The following EHMT1 variants were observed in gnomAD, a reference collection of about 807,000 sequenced individuals.
The protein encoded by EHMT1 is histone-lysine N-methyltransferase EHMT1.
EHMT1 carries 15 observed loss-of-function variants against 147.2 expected under a neutral mutation model. The ratio of observed to expected loss-of-function variants is 0.10; its 90% CI spans 0.07 to 0.16. EHMT1 has a LOEUF of 0.16. EHMT1 is among the 10% of genes least tolerant of loss of function. The probability of loss-of-function intolerance (pLI) is 1.00; values close to 1 mark genes in which losing one functional copy is unlikely to be tolerated. For synonymous variants in EHMT1, 795 were observed against 709.6 expected (o/e 1.12, Z -1.91); for missense variants, 1,587 against 1,772.4 (o/e 0.90, Z 1.88).
In EHMT1 at chr9:137,729,743, A is replaced by C. The variant is rs112736461; in HGVS notation, c.823+1214A>C. Among the ~76,000 whole-genome samples, 1,391 of 152,110 alleles carry C rather than the reference A, an allele frequency of 9.1e-3. 14 individuals are homozygous for C. The highest frequency in any genetic ancestry group is 0.012 in the Non-Finnish European group (820 of 67,996). Reference sequence around the variant, plus strand: ...GTATTACTTTTTTTTCTGAGACATGAATGTAAGTTGTAAACATTGTGCCCT... The same window carrying C: ...GTATTACTTTTTTTTCTGAGACATGCATGTAAGTTGTAAACATTGTGCCCT... On this transcript the variant is annotated intron_variant, in intron 4 of 26. Coordinates refer to ENST00000460843, the MANE Select transcript of EHMT1 (RefSeq NM_024757.5).
intron 1 of EHMT1, among the ~76,000 whole-genome samples, chr9:137,709,756 G>C (rs1944538631): frequency 6.6e-6 from 1 of 152,124 alleles, no homozygotes; most frequent in South Asian, 2.1e-4. Context: ...TAGTGACCTC[G>C]GGCAAGTCTG....
chr9:137,827,748 C>T (rs1288096189), intron 25 of EHMT1, among the ~76,000 whole-genome samples: 3 of 130,196 alleles, frequency 2.3e-5, no homozygotes, highest in African/African-American at 5.6e-5. Context: ...TGGGATCCTG[C>T]CCACCCGCCC....
chr9:137,721,012 G>A (rs1945899714), intron 3 of EHMT1, among the ~76,000 whole-genome samples: 1 of 151,744 alleles, frequency 6.6e-6, no homozygotes, highest in African/African-American at 2.4e-5. Context: ...CCTCCTCGCC[G>A]GCGTCCTCGC....
intron 3 of EHMT1, among the ~76,000 whole-genome samples, chr9:137,725,482 T>G (rs1404021489): frequency 6.6e-6 from 1 of 152,144 alleles, no homozygotes; most frequent in Non-Finnish European, 1.5e-5. Flanking sequence ...GAGGAATCAC[T>G]GAATGTGGCA....
intron 10 of EHMT1, among the ~76,000 whole-genome samples, chr9:137,766,719 C>T (rs79566123): frequency 0.037 from 5,664 of 152,264 alleles, 155 homozygotes; most frequent in African/African-American, 0.072. Context: ...TTGCACCGTA[C>T]GTCATTTTCT....
intron 1 of EHMT1, among the ~76,000 whole-genome samples, chr9:137,659,144 T>A (rs1462890478): frequency 6.6e-6 from 1 of 152,160 alleles, no homozygotes. Flanking sequence ...TACTAGATCT[T>A]ATTCCAGGGT....
intron 16 of EHMT1, among the ~76,000 whole-genome samples, chr9:137,797,467 C>G (rs1223943888): frequency 6.6e-6 from 1 of 152,154 alleles, no homozygotes; most frequent in Non-Finnish European, 1.5e-5. Context: ...AGTGCTTGCC[C>G]AAGGTCTCTG....
At chr9:137,712,319 C>G (rs1353479379) in intron 2 of EHMT1, among the ~76,000 whole-genome samples, 13 of 152,314 alleles carry the variant, frequency 8.5e-5, no homozygotes, top group Admixed American at 7.2e-4. Flanking sequence ...TTGCCTGTGC[C>G]CTGTTCCCTT....
intron 1 of EHMT1, among the ~76,000 whole-genome samples, chr9:137,698,463 C>T (rs1392613796): frequency 1.3e-5 from 2 of 152,172 alleles, no homozygotes; most frequent in African/African-American, 2.4e-5. Context: ...TCTGGAAGAC[C>T]ATTGAAGCTG....
intron 16 of EHMT1, among the ~76,000 whole-genome samples, chr9:137,793,514 C>G (rs1952680610): frequency 6.6e-6 from 1 of 152,242 alleles, no homozygotes; most frequent in South Asian, 2.1e-4. Context: ...TAGGATTACG[C>G]TGTGATCTGT....
At chr9:137,817,297 G>T in intron 23 of EHMT1, 142 bp from the exon 24 acceptor site, 1 of 897,174 alleles carries the variant, frequency 1.1e-6, no homozygotes, top group East Asian at 2.6e-5. Context: ...TGTCTGTGAG[G>T]TGCCTGCAGC....
intron 1 of EHMT1, among the ~76,000 whole-genome samples, chr9:137,702,933 A>T (rs1009730379): frequency 1.3e-5 from 2 of 152,184 alleles, no homozygotes; most frequent in African/African-American, 4.8e-5. Flanking sequence ...GCCACCACAG[A>T]TGTATGGATG....
chr9:137,650,492 T>A (rs867377555), intron 1 of EHMT1, among the ~76,000 whole-genome samples: 13 of 152,282 alleles, frequency 8.5e-5, no homozygotes, highest in Non-Finnish European at 1.2e-4. Flanking sequence ...TGCTGATGAC[T>A]AATGATGTTG....
chr9:137,818,524 CAT>C, intron 25 of EHMT1, among the ~76,000 whole-genome samples: 1 of 151,068 alleles, frequency 6.6e-6, no homozygotes, highest in African/African-American at 2.5e-5. Flanking sequence ...GGGGGGGCGC[CAT>C]GTACCGAGAC....
chr9:137,681,309 T>C (rs1365473722), intron 1 of EHMT1, among the ~76,000 whole-genome samples: 1 of 152,210 alleles, frequency 6.6e-6, no homozygotes, highest in Non-Finnish European at 1.5e-5. Context: ...CAGGGGTTAC[T>C]TTGGAACCCT....
chr9:137,752,466 C>A lies in EHMT1; in HGVS notation c.1248+58C>A. On this transcript the variant is annotated intron_variant, in intron 7 of 26. Coordinates refer to ENST00000460843, the MANE Select transcript of EHMT1 (RefSeq NM_024757.5). ...TGATGTAGAGGAGATGCAAAGACAC[C>A]AGCGTCCTTCAGTTCTTTACCCAAC... is the stretch of plus-strand genomic sequence containing the variant. The A allele has an allele frequency of 1.9e-6, 3 of 1,569,360 alleles. 1 individual carries two copies. The South Asian group carries it at 3.5e-5, about 18-fold the overall frequency.
Position 137,818,155 on chromosome 9 carries a change from G to C in EHMT1, c.3540+17G>C. On this transcript the variant is annotated intron_variant, in intron 25 of 26. Coordinates refer to ENST00000460843, the MANE Select transcript of EHMT1 (RefSeq NM_024757.5). ...GACAATAAGGTAATGTGTTTTGTGG[G>C]GTTGGGGCCACGCAGAACTTGTGAA... The C allele has an allele frequency of 6.2e-7, 1 of 1,613,964 alleles. No individual in the cohort carries two copies. Among genetic ancestry groups the C allele is most frequent in the South Asian group, 1.1e-5 (1 of 91,072 alleles).
intron 1 of EHMT1, among the ~76,000 whole-genome samples, chr9:137,657,488 C>T (rs1162785471): frequency 2.0e-5 from 3 of 147,318 alleles, no homozygotes; most frequent in Non-Finnish European, 4.5e-5. Context: ...GGAGCCAGTG[C>T]ACCTGGTTGC....
At chr9:137,650,037 C>G (rs895357562) in intron 1 of EHMT1, among the ~76,000 whole-genome samples, 4 of 152,160 alleles carry the variant, frequency 2.6e-5, no homozygotes, top group African/African-American at 9.7e-5. Flanking sequence ...TGCCATCTAA[C>G]ATTCCTGCCA....
Sources: gnomAD v4.1 joint callset for allele counts (sites outside exome capture counted in the v4.1 genomes callset) on GRCh38, gnomAD v4.1.1 for gene constraint, MANE v1.5 for transcripts, NCBI Gene and HGNC (gene_info 2026-07-23, HGNC 2026-07-21) for gene names.